MTUS2: variants seen among roughly 807,000 people sequenced by gnomAD.
MTUS2 encodes the protein microtubule-associated tumor suppressor candidate 2.
MTUS2 carries 40 observed loss-of-function variants against 114.1 expected under a neutral mutation model. The observed-to-expected ratio is 0.35, with a 90% confidence interval of 0.27 to 0.46. The LOEUF is 0.46. Among genes scored for constraint, MTUS2 ranks in the 20% least tolerant of loss-of-function variants. The pLI is 1.00. For missense variants in MTUS2, 1,679 were observed against 1,705.4 expected (o/e 0.98, Z 0.27); for synonymous variants, 688 against 672.0 (o/e 1.02, Z -0.37).
At chr13:29,377,036 G>C (rs1281612481) in intron 8 of MTUS2, among the ~76,000 whole-genome samples, 1 of 152,056 alleles carries the variant, frequency 6.6e-6, no homozygotes, top group Non-Finnish European at 1.5e-5. Flanking sequence ...TGATGAAAGG[G>C]TCCACTCACC....
chr13:28,846,213 A>G (rs1875876246), intron 2 of MTUS2, among the ~76,000 whole-genome samples: 1 of 152,104 alleles, frequency 6.6e-6, no homozygotes, highest in African/African-American at 2.4e-5. Context: ...ATGAACGAAC[A>G]TTTCTTAAAT....
Position 29,234,186 on chromosome 13 carries a change from G to A in MTUS2, c.2645-47518G>A, listed in dbSNP as rs371422351. On this transcript the variant is annotated intron_variant, in intron 5 of 15. Transcript: ENST00000612955. The stretch of plus-strand genomic sequence containing the variant: ...ACATAAACACATAATAATTGATTTC[G>A]ATTTTTCACTTCAAAGATATCTATT... Among the ~76,000 whole-genome samples, 18 of 152,080 alleles carry A rather than the reference G, an allele frequency of 1.2e-4. No individual in the cohort carries two copies. In the South Asian group the frequency reaches 1.7e-3, roughly 14 times the overall value.
At chr13:29,340,650 T>A (rs1901346421) in intron 7 of MTUS2, among the ~76,000 whole-genome samples, 1 of 152,212 alleles carries the variant, frequency 6.6e-6, no homozygotes, top group South Asian at 2.1e-4. Flanking sequence ...TTGCTTTTAT[T>A]TTTTAAAATT....
intron 4 of MTUS2, among the ~76,000 whole-genome samples, chr13:29,092,053 A>G (rs931905508): frequency 2.0e-5 from 3 of 152,200 alleles, no homozygotes; most frequent in African/African-American, 7.2e-5. Context: ...TTTGGTTTAG[A>G]TGTCAAGAGT....
chr13:29,285,785 A>G (rs1166198875), intron 6 of MTUS2, among the ~76,000 whole-genome samples: 1 of 152,224 alleles, frequency 6.6e-6, no homozygotes, highest in African/African-American at 2.4e-5. Context: ...ATGTAAACAT[A>G]TAGGCCAATT....
intron 5 of MTUS2, among the ~76,000 whole-genome samples, chr13:29,253,255 G>A (rs1328887144): frequency 6.6e-6 from 1 of 151,702 alleles, no homozygotes; most frequent in Non-Finnish European, 1.5e-5. Flanking sequence ...GTGAAACCCT[G>A]TCTCTACTAA....
intron 7 of MTUS2, among the ~76,000 whole-genome samples, chr13:29,342,180 C>G (rs1215593938): frequency 1.3e-5 from 2 of 151,958 alleles, no homozygotes; most frequent in African/African-American, 2.4e-5. Flanking sequence ...TTTTCTAGTT[C>G]TGTGAAGAAT....
intron 6 of MTUS2, chr13:29,307,125 CA>C (rs149957126): frequency 0.1 from 48,109 of 478,260 alleles, 3,848 homozygotes; most frequent in East Asian, 0.36. Context: ...AGGGAGGAGC[CA>C]AAAGGGTCAT....
At chr13:29,437,542 A>T (rs146535877) in intron 8 of MTUS2, among the ~76,000 whole-genome samples, 38 of 152,304 alleles carry the variant, frequency 2.5e-4, no homozygotes, top group African/African-American at 7.9e-4. Flanking sequence ...TGAGTATGTA[A>T]TCCCTGTGAT....
chr13:29,114,995 T>C (rs1345997561), intron 5 of MTUS2, among the ~76,000 whole-genome samples: 1 of 152,234 alleles, frequency 6.6e-6, no homozygotes, highest in Non-Finnish European at 1.5e-5. Context: ...ATTAAATTAC[T>C]GTAGGCACCT....
At position 29,389,469 on chromosome 13, in the gene MTUS2, A is replaced by G. The variant is rs1370135360; in HGVS notation, c.3117+29996A>G. Among the ~76,000 whole-genome samples the G allele has an allele frequency of 6.1e-4, 55 of 89,942 alleles. 4 individuals are homozygous for G. The highest frequency in any genetic ancestry group is 1.5e-3 in the African/African-American group (40 of 26,116). 59.0% of individuals were successfully genotyped at this position (89,942 alleles called of 152,430 possible). ...TATGTATACACGTGTGTGTATGTGT[A>G]TATGTATACACGTGTGTGTATGTGT... On this transcript the variant is annotated intron_variant, in intron 8 of 15. Coordinates refer to ENST00000612955, the MANE Select transcript of MTUS2 (RefSeq NM_001033602.4).
At chr13:28,970,236 T>C (rs1883790439) in intron 2 of MTUS2, among the ~76,000 whole-genome samples, 1 of 151,830 alleles carries the variant, frequency 6.6e-6, no homozygotes, top group Non-Finnish European at 1.5e-5. Flanking sequence ...TTTAGTATTA[T>C]GCTTCATGCA....
intron 2 of MTUS2, among the ~76,000 whole-genome samples, chr13:28,946,224 C>T (rs1439536410): frequency 6.6e-6 from 1 of 152,102 alleles, no homozygotes; most frequent in Admixed American, 6.6e-5. Context: ...GTCTAGCAAG[C>T]ATTTCCAATG....
intron 8 of MTUS2, among the ~76,000 whole-genome samples, chr13:29,426,906 G>GTA (rs1030717049): frequency 6.6e-6 from 1 of 152,276 alleles, no homozygotes; most frequent in Non-Finnish European, 1.5e-5. Context: ...GAGCGTGGGG[G>GTA]TATACTAAGC....
intron 5 of MTUS2, among the ~76,000 whole-genome samples, chr13:29,207,772 C>A (rs1895252356): frequency 6.6e-6 from 1 of 152,110 alleles, no homozygotes; most frequent in African/African-American, 2.4e-5. Context: ...TAGTATGAAT[C>A]CCACTTGATC....
chr13:29,491,688 T>C (rs910132282), intron 11 of MTUS2, among the ~76,000 whole-genome samples: 1 of 140,192 alleles, frequency 7.1e-6, no homozygotes, highest in Non-Finnish European at 1.5e-5. Flanking sequence ...GTGGTGTGTG[T>C]GGAGTGTGGT....
chr13:28,911,926 C>A (rs1187262214), intron 2 of MTUS2, among the ~76,000 whole-genome samples: 3 of 144,624 alleles, frequency 2.1e-5, no homozygotes, highest in Non-Finnish European at 4.5e-5. Context: ...AGATACATTG[C>A]AAAAATTGTC....
intron 5 of MTUS2, among the ~76,000 whole-genome samples, chr13:29,235,897 C>T (rs1896517418): frequency 6.6e-6 from 1 of 152,062 alleles, no homozygotes; most frequent in South Asian, 2.1e-4. Flanking sequence ...TGCTTTTTAG[C>T]CTACTAAGGT....
chr13:29,450,694 A>G (rs1406894573), intron 9 of MTUS2, among the ~76,000 whole-genome samples: 1 of 152,224 alleles, frequency 6.6e-6, no homozygotes, highest in Non-Finnish European at 1.5e-5. Flanking sequence ...GCCTAAAATA[A>G]ACCTGCTTCA....
Sources: allele counts gnomAD v4.1 joint callset (sites outside exome capture counted in the v4.1 genomes callset), GRCh38; gene constraint gnomAD v4.1.1; transcripts MANE v1.5; gene names NCBI Gene and HGNC (gene_info 2026-07-23, HGNC 2026-07-21).